Variants in MYO9A observed in about 807,000 individuals in gnomAD.
The protein encoded by MYO9A is myosin IXA.
In MYO9A, 103 loss-of-function variants were observed where a neutral mutation model predicts 293.3. The observed-to-expected ratio is 0.35, with a 90% CI of 0.30 to 0.41. The LOEUF is 0.41. Among genes scored for constraint, MYO9A ranks in the 10% least tolerant of loss-of-function variants. The probability of loss-of-function intolerance (pLI) is 1.00; values close to 1 mark genes in which losing one functional copy is unlikely to be tolerated. For missense variants in MYO9A, 2,685 were observed against 3,033.0 expected (o/e 0.89, Z 2.69); for synonymous variants, 1,001 against 1,035.7 (o/e 0.97, Z 0.64).
intron 2 of MYO9A, chr15:72,041,375 T>C (rs1481336598): frequency 1.4e-5 from 7 of 490,072 alleles, no homozygotes; most frequent in South Asian, 3.2e-5. Context: ...CTTGAATGCA[T>C]ATCAGTTGAT....
At chr15:72,004,743 A>G (rs1596360735) in intron 8 of MYO9A, among the ~76,000 whole-genome samples, 1 of 152,230 alleles carries the variant, frequency 6.6e-6, no homozygotes, top group African/African-American at 2.4e-5. Context: ...TCACCTTTCA[A>G]TAATTTTCAC....
chr15:71,896,218 T>C (rs980532813), intron 25 of MYO9A, among the ~76,000 whole-genome samples: 2 of 152,188 alleles, frequency 1.3e-5, no homozygotes, highest in South Asian at 2.1e-4. Flanking sequence ...CTAAAATCCA[T>C]ATGAAATTTT....
At position 71,897,996 on chromosome 15, in the gene MYO9A, G is replaced by C. The variant is rs1380345100; in HGVS notation, c.4507C>G (p.Gln1503Glu). 1.2e-6 allele frequency: 2 copies of C among 1,614,080 alleles called. No individual in the cohort carries two copies. The highest frequency in any genetic ancestry group is 1.1e-5 in the South Asian group (1 of 91,078). ...TCTTTTTCATTCTGTTGCTGCAACT[G>C]TTTTTGCCTTTCTTCCTTCTCAGTG... ...LNTEKEERQK[Q>E]LQQQNEKEMM... Residue 1503 changes from glutamine to glutamate, a missense_variant, in exon 25 of 42, where the codon CAG (glutamine) becomes GAG (glutamate). Gln to Glu is a conservative substitution (Grantham distance 29). This residue lies in a region of MYO9A where 1,434 missense variants were observed against 1,497.7 expected (regional missense o/e 0.96). Transcript: ENST00000356056.
At chr15:72,080,955 G>A (rs1262237362) in intron 1 of MYO9A, among the ~76,000 whole-genome samples, 1 of 151,868 alleles carries the variant, frequency 6.6e-6, no homozygotes, top group Non-Finnish European at 1.5e-5. Context: ...TTTCTTTACC[G>A]GTCTACCACT....
chr15:72,042,418 A>G (rs1313466143), intron 2 of MYO9A, among the ~76,000 whole-genome samples: 1 of 152,106 alleles, frequency 6.6e-6, no homozygotes, highest in Non-Finnish European at 1.5e-5. Flanking sequence ...AATCATCTCA[A>G]TAAGACACAG....
intron 41 of MYO9A, among the ~76,000 whole-genome samples, chr15:71,827,531 A>G (rs2054554867): frequency 6.6e-6 from 1 of 152,148 alleles, no homozygotes; most frequent in Admixed American, 6.5e-5. Context: ...AACAAAACAA[A>G]ACAAAAAACA....
chr15:71,925,214 T>C (rs1309252978), intron 18 of MYO9A, among the ~76,000 whole-genome samples: 1 of 56,090 alleles, frequency 1.8e-5, no homozygotes, highest in African/African-American at 5.9e-5. Flanking sequence ...TATACATGTG[T>C]ATATATACAC....
At chr15:71,850,385 A>C (rs1567195377) in intron 37 of MYO9A, among the ~76,000 whole-genome samples, 1 of 152,094 alleles carries the variant, frequency 6.6e-6, no homozygotes, top group East Asian at 1.9e-4. Flanking sequence ...TCTTTCCTTG[A>C]AGCAGTCTAG....
intron 14 of MYO9A, 27 bp downstream of exon 14, chr15:71,959,874 G>A (rs753657157): frequency 1.4e-6 from 2 of 1,466,186 alleles, no homozygotes; most frequent in Non-Finnish European, 1.9e-6. Context: ...GATGAAGTAT[G>A]GTAGAATACT....
chr15:71,911,669 T>A (rs1021032140), intron 19 of MYO9A, among the ~76,000 whole-genome samples: 4 of 152,218 alleles, frequency 2.6e-5, no homozygotes, highest in African/African-American at 9.6e-5. Flanking sequence ...GACATAGTGC[T>A]ATGAAGTGAC....
At chr15:71,869,866 A>G (rs866772901) in intron 32 of MYO9A, among the ~76,000 whole-genome samples, 5 of 152,196 alleles carry the variant, frequency 3.3e-5, no homozygotes, top group Admixed American at 1.3e-4. Context: ...ATAGATGCTT[A>G]CTATGTGTCA....
intron 18 of MYO9A, among the ~76,000 whole-genome samples, chr15:71,927,708 C>T (rs774428467): frequency 1.1e-4 from 16 of 151,700 alleles, no homozygotes; most frequent in Non-Finnish European, 1.6e-4. Context: ...CATGTATAAG[C>T]GGACCTGCAC....
At chr15:72,103,265 A>C in intron 1 of MYO9A, among the ~76,000 whole-genome samples, 1 of 147,736 alleles carries the variant, frequency 6.8e-6, no homozygotes, top group Non-Finnish European at 1.5e-5. Flanking sequence ...GGAGAAGCAG[A>C]GGCAGCAGCA....
chr15:72,077,144 G>A (rs1327478269), intron 1 of MYO9A, among the ~76,000 whole-genome samples: 1 of 152,162 alleles, frequency 6.6e-6, no homozygotes, highest in East Asian at 1.9e-4. Context: ...CAGCATGGGG[G>A]AAAATCTTGG....
At chr15:71,946,334 A>G (rs983475438) in intron 15 of MYO9A, among the ~76,000 whole-genome samples, 1 of 152,160 alleles carries the variant, frequency 6.6e-6, no homozygotes, top group African/African-American at 2.4e-5. Flanking sequence ...TGTGGGGGGA[A>G]AATTTTAGTT....
intron 39 of MYO9A, among the ~76,000 whole-genome samples, chr15:71,833,306 C>T (rs1389570888): frequency 1.3e-5 from 2 of 151,822 alleles, no homozygotes; most frequent in African/African-American, 2.4e-5. Flanking sequence ...AAAGACATAC[C>T]ATGCAAATAC....
intron 27 of MYO9A, among the ~76,000 whole-genome samples, chr15:71,887,788 G>A (rs773024791): frequency 9.9e-5 from 15 of 152,194 alleles, no homozygotes; most frequent in African/African-American, 3.6e-4. Flanking sequence ...TATGAGGGTT[G>A]AGGGAAATTT....
intron 32 of MYO9A, among the ~76,000 whole-genome samples, chr15:71,873,567 T>C (rs976839980): frequency 6.6e-6 from 1 of 152,204 alleles, no homozygotes; most frequent in Non-Finnish European, 1.5e-5. Flanking sequence ...CTATTTGTAT[T>C]ATTGAAAAAT....
chr15:71,901,182 G>T lies in MYO9A; in HGVS notation c.3150+9C>A. 1.2e-6 allele frequency: 2 copies of T among 1,604,554 alleles called. No homozygotes were observed. The highest frequency in any genetic ancestry group is 1.7e-6 in the Non-Finnish European group (2 of 1,177,002). ...GTCAATCTCATGCAAAGAATCCTTT[G>T]CTTCTCACCTGGATAATAACAGATG... On this transcript the variant is annotated intron_variant, in intron 23 of 41. Coordinates refer to ENST00000356056, the MANE Select transcript of MYO9A (RefSeq NM_006901.4).
Sources: allele counts gnomAD v4.1 joint callset (sites outside exome capture counted in the v4.1 genomes callset), GRCh38; gene constraint gnomAD v4.1.1; regional missense constraint gnomAD v4.1.1; transcripts MANE v1.5; gene names NCBI Gene and HGNC (gene_info 2026-07-23, HGNC 2026-07-21).